TUSC3: variants seen among roughly 807,000 people sequenced by gnomAD.
The protein encoded by TUSC3 is dolichyl-diphosphooligosaccharide--protein glycosyltransferase subunit TUSC3.
TUSC3 carries 45 observed loss-of-function variants against 44.8 expected under a neutral mutation model. The ratio of observed to expected loss-of-function variants is 1.00; its 90% CI spans 0.79 to 1.29. The LOEUF (loss-of-function observed/expected upper bound fraction) is 1.29. Ranked by LOEUF, TUSC3 falls within the 50% of genes most tolerant of loss-of-function variation. The probability of loss-of-function intolerance (pLI) is 0.00; values close to 1 mark genes in which losing one functional copy is unlikely to be tolerated. For missense variants in TUSC3, 519 were observed against 437.9 expected, an observed-to-expected ratio of 1.19 and a Z score of -1.65; for synonymous variants, 212 against 152.9, an observed-to-expected ratio of 1.39 and a Z score of -2.85.
At chr8:15,809,193 A>T in the TUSC3 span, among the ~76,000 whole-genome samples, 1,033 of 152,254 alleles carry the variant, frequency 6.8e-3, 4 homozygotes, top group Non-Finnish European at 0.011. Flanking sequence ...GAGGTAACTG[A>T]TGACTGCAGA....
chr8:15,469,798 T>C (rs1347009890), intron 1 of TUSC3, among the ~76,000 whole-genome samples: 1 of 152,176 alleles, frequency 6.6e-6, no homozygotes, highest in African/African-American at 2.4e-5. Context: ...GATAATGGAA[T>C]ATTTCACAGT....
In TUSC3 at chr8:15,419,093, C is replaced by G. The variant is rs1240203210; in HGVS notation, n.91+1788C>G. Among the ~76,000 whole-genome samples the G allele has an allele frequency of 2.0e-5, 3 of 152,312 alleles. No homozygotes were observed. In the East Asian group the frequency reaches 5.8e-4, roughly 29 times the overall value. On this transcript the variant is annotated intron_variant and non_coding_transcript_variant, in intron 1 of 5. Transcript: ENST00000503191. ...CACCATATTACAATGATACATTTCC[C>G]TCTCTCCAAGTAACCCCTTTGACCT...
chr8:15,786,817 G>T, the TUSC3 span, among the ~76,000 whole-genome samples: 14 of 151,538 alleles, frequency 9.2e-5, no homozygotes, highest in African/African-American at 3.2e-4. Flanking sequence ...GGTGGTGGGC[G>T]CCTGTAATCT....
At chr8:15,480,305 A>T (rs1002450723) in intron 1 of TUSC3, among the ~76,000 whole-genome samples, 1 of 152,206 alleles carries the variant, frequency 6.6e-6, no homozygotes, top group South Asian at 2.1e-4. Flanking sequence ...TACCACTGAC[A>T]TTCTTCACAT....
At chr8:15,423,003 G>T (rs1799756666) in intron 1 of TUSC3, among the ~76,000 whole-genome samples, 1 of 152,046 alleles carries the variant, frequency 6.6e-6, no homozygotes, top group Non-Finnish European at 1.5e-5. Context: ...ACTGCATGTT[G>T]TAAATGATAA....
At chr8:15,487,665 C>T (rs1800751047) in intron 2 of TUSC3, among the ~76,000 whole-genome samples, 1 of 152,154 alleles carries the variant, frequency 6.6e-6, no homozygotes, top group South Asian at 2.1e-4. Context: ...AAGTGCTGTA[C>T]CACCTAATCT....
chr8:15,612,838 A>T (rs1804820029), intron 1 of TUSC3, among the ~76,000 whole-genome samples: 1 of 152,010 alleles, frequency 6.6e-6, no homozygotes, highest in South Asian at 2.1e-4. Flanking sequence ...TGTATGTCCC[A>T]TCTTGTATCA....
At chr8:15,678,467 G>A (rs1808281326) in intron 6 of TUSC3, among the ~76,000 whole-genome samples, 2 of 151,844 alleles carry the variant, frequency 1.3e-5, no homozygotes, top group African/African-American at 2.4e-5. Flanking sequence ...GTTTTATTTC[G>A]AGATATGCCC....
chr8:15,497,537 A>T (rs150066450), intron 2 of TUSC3, among the ~76,000 whole-genome samples: 2 of 152,090 alleles, frequency 1.3e-5, no homozygotes, highest in South Asian at 2.1e-4. Flanking sequence ...GACGAGGGCA[A>T]TTCTTCGGAG....
rs557493050 is a variant in TUSC3 at position 15,478,021 on chromosome 8, G to C, written n.92-5365G>C. ...TGCCCAGGCTAGAGTGCAGTGGCAC[G>C]ATCTTGGCTCACTGCAAACTCTGCC... is the stretch of plus-strand genomic sequence containing the variant. On this transcript the variant is annotated intron_variant and non_coding_transcript_variant, in intron 1 of 5. Coordinates refer to the TUSC3 transcript ENST00000503191. Among the ~76,000 whole-genome samples, 61 of 152,164 alleles carry C rather than the reference G, an allele frequency of 4.0e-4. 1 individual carries two copies. Among genetic ancestry groups the C allele is most frequent in the African/African-American group, 1.4e-3 (60 of 41,542 alleles).
intron 8 of TUSC3, among the ~76,000 whole-genome samples, chr8:15,744,686 TAAAG>T (rs907397250): frequency 5.9e-5 from 8 of 134,486 alleles, no homozygotes; most frequent in African/African-American, 2.2e-4. Flanking sequence ...TCTATTGTAT[TAAAG>T]AAACTACAAA....
At chr8:15,454,581 A>T (rs191259872) in intron 1 of TUSC3, among the ~76,000 whole-genome samples, 4 of 152,310 alleles carry the variant, frequency 2.6e-5, no homozygotes, top group African/African-American at 9.6e-5. Flanking sequence ...TCCATCAGGA[A>T]CAGAAGTTTC....
chr8:15,642,143 A>G (rs1409134491), intron 2 of TUSC3, among the ~76,000 whole-genome samples: 4 of 152,124 alleles, frequency 2.6e-5, no homozygotes, highest in Non-Finnish European at 2.9e-5. Context: ...AAAATTAGAG[A>G]TGTTTGGAAC....
chr8:15,804,422 G>A, the TUSC3 span, among the ~76,000 whole-genome samples: 1 of 152,156 alleles, frequency 6.6e-6, no homozygotes, highest in Non-Finnish European at 1.5e-5. Flanking sequence ...GTCCTGACTG[G>A]TGTTTTTTAG....
At chr8:15,666,055 A>G (rs1407010632) in intron 5 of TUSC3, among the ~76,000 whole-genome samples, 1 of 151,524 alleles carries the variant, frequency 6.6e-6, no homozygotes, top group African/African-American at 2.4e-5. Flanking sequence ...CTAGTACATA[A>G]TTTCAAAAAG....
At chr8:15,581,294 G>A (rs1331001684) in intron 1 of TUSC3, among the ~76,000 whole-genome samples, 74 of 146,954 alleles carry the variant, frequency 5.0e-4, no homozygotes, top group Middle Eastern at 3.4e-3. Flanking sequence ...TAATTTGATC[G>A]TCTGAAGCCT....
chr8:15,659,584 C>T lies in TUSC3; in HGVS notation c.504C>T (p.Leu168=). 6.2e-7 allele frequency: 1 copy of T among 1,613,444 alleles called. No individual in the cohort carries two copies. Among genetic ancestry groups the T allele is most frequent in the African/African-American group, 1.3e-5 (1 of 74,996 alleles). Reference sequence around the variant, plus strand: ...CTAAGAGAGCTGATACTTTTGACCTCCAAAGAATTGGATTTGCAGCTGAGC... The same window carrying T: ...CTAAGAGAGCTGATACTTTTGACCTTCAAAGAATTGGATTTGCAGCTGAGC... The part of the protein sequence containing the change: ...GRPKRADTFD[L]QRIGFAAEQL... The change falls in exon 4 of 11, where the codon CTC becomes CTT. Residue 168 remains leucine, a synonymous_variant. Coordinates refer to ENST00000503731, the MANE Select transcript of TUSC3 (RefSeq NM_006765.4).
the TUSC3 span, among the ~76,000 whole-genome samples, chr8:15,812,892 A>C: frequency 2.0e-5 from 3 of 152,220 alleles, no homozygotes; most frequent in South Asian, 2.1e-4. Flanking sequence ...TCAAGAGTTC[A>C]AGACCAGCCT....
the TUSC3 span, among the ~76,000 whole-genome samples, chr8:15,787,920 G>A: frequency 6.6e-6 from 1 of 152,098 alleles, no homozygotes; most frequent in Non-Finnish European, 1.5e-5. Flanking sequence ...AGATGAATGA[G>A]GTTATGTAGT....
Sources: allele counts gnomAD v4.1 joint callset (sites outside exome capture counted in the v4.1 genomes callset), GRCh38; gene constraint gnomAD v4.1.1; transcripts MANE v1.5; gene names NCBI Gene and HGNC (gene_info 2026-07-23, HGNC 2026-07-21).